Variants in FRMD4A observed in about 807,000 individuals in gnomAD.
FRMD4A encodes the protein FERM domain containing 4A, also known as FERM domain-containing protein 4A.
In FRMD4A, 29 loss-of-function variants were observed where a neutral mutation model predicts 129.1. The observed-to-expected ratio is 0.22, with a 90% confidence interval of 0.17 to 0.31. The LOEUF (loss-of-function observed/expected upper bound fraction) is 0.31, where lower values mean the gene tolerates loss of function less well. Ranked by LOEUF, FRMD4A falls within the 10% of genes least tolerant of loss-of-function variation. FRMD4A has a pLI of 1.00. For synonymous variants in FRMD4A, 634 were observed against 571.6 expected, an observed-to-expected ratio of 1.11 and a Z score of -1.56; for missense variants, 1,272 against 1,375.8, an observed-to-expected ratio of 0.92 and a Z score of 1.19.
chr10:14,089,756 T>C (rs1038147149), intron 2 of FRMD4A, among the ~76,000 whole-genome samples: 1 of 151,614 alleles, frequency 6.6e-6, no homozygotes, highest in African/African-American at 2.4e-5. Flanking sequence ...TCACCAACAG[T>C]GTGGAGTTAT....
chr10:13,945,881 G>T (rs1156259929), intron 2 of FRMD4A, among the ~76,000 whole-genome samples: 1 of 152,152 alleles, frequency 6.6e-6, no homozygotes, highest in Non-Finnish European at 1.5e-5. Context: ...AGGCTTCAAG[G>T]AAGAAGCCAG....
At chr10:13,674,666 C>A (rs80007646) in intron 16 of FRMD4A, among the ~76,000 whole-genome samples, 89 of 152,314 alleles carry the variant, frequency 5.8e-4, no homozygotes, top group Non-Finnish European at 1.1e-3. Flanking sequence ...TTAAGATTTG[C>A]ACTAATGCGG....
At chr10:13,924,458 C>T (rs555952114) in intron 2 of FRMD4A, among the ~76,000 whole-genome samples, 1 of 151,752 alleles carries the variant, frequency 6.6e-6, no homozygotes, top group South Asian at 2.1e-4. Flanking sequence ...CACCTCTAGG[C>T]CACCACACTT....
intron 2 of FRMD4A, among the ~76,000 whole-genome samples, chr10:13,963,200 C>A (rs1481697678): frequency 1.3e-5 from 2 of 149,636 alleles, no homozygotes; most frequent in Admixed American, 6.7e-5. Context: ...AAAACTAAAA[C>A]AAACAAATGT....
chr10:13,925,781 C>T (rs1250506030), intron 2 of FRMD4A, among the ~76,000 whole-genome samples: 1 of 151,292 alleles, frequency 6.6e-6, no homozygotes, highest in African/African-American at 2.4e-5. Context: ...GACAGGGTTT[C>T]ACCGTGTTAG....
chr10:14,026,569 G>A (rs1374382163), intron 2 of FRMD4A, among the ~76,000 whole-genome samples: 1 of 152,210 alleles, frequency 6.6e-6, no homozygotes, highest in African/African-American at 2.4e-5. Context: ...GTGCTGAGAT[G>A]AATGTCTTCA....
At chr10:13,862,519 A>T (rs2094308539) in intron 2 of FRMD4A, among the ~76,000 whole-genome samples, 1 of 152,248 alleles carries the variant, frequency 6.6e-6, no homozygotes. Context: ...TGATGTTAGT[A>T]TCCACCCTAG....
chr10:14,210,856 T>C (rs1236531645), intron 2 of FRMD4A, among the ~76,000 whole-genome samples: 1 of 152,190 alleles, frequency 6.6e-6, no homozygotes, highest in Non-Finnish European at 1.5e-5. Flanking sequence ...GCCTACCAAG[T>C]AGCTGGGACT....
intron 2 of FRMD4A, among the ~76,000 whole-genome samples, chr10:14,072,117 A>G (rs1835346475): frequency 6.6e-6 from 1 of 152,228 alleles, no homozygotes; most frequent in Admixed American, 6.5e-5. Flanking sequence ...TCAATTGACC[A>G]TTCATTCTTT....
intron 2 of FRMD4A, among the ~76,000 whole-genome samples, chr10:14,142,578 T>G (rs1839889940): frequency 6.6e-6 from 1 of 152,220 alleles, no homozygotes; most frequent in Non-Finnish European, 1.5e-5. Context: ...AAGCTAACGT[T>G]TGAATCACTA....
In FRMD4A at chr10:13,989,128, G is replaced by A. The variant is rs542722010; in HGVS notation, c.46-130216C>T. Among the ~76,000 whole-genome samples the A allele has an allele frequency of 2.6e-5, 4 of 152,240 alleles. No homozygotes were observed. The South Asian group carries it at 8.3e-4, about 32-fold the overall frequency. The stretch of plus-strand genomic sequence containing the variant: ...GAAGCAGAGCTCTGGTTGACCAGGG[G>A]TGAGGGGGGTCTCAGTCTTCCAGCC... On this transcript the variant is annotated intron_variant, in intron 2 of 24. Transcript: ENST00000357447.
At chr10:13,863,307 C>T (rs1026413040) in intron 2 of FRMD4A, among the ~76,000 whole-genome samples, 2 of 152,048 alleles carry the variant, frequency 1.3e-5, no homozygotes, top group Non-Finnish European at 2.9e-5. Context: ...CCTGGCCTGG[C>T]GTGGTGGCTC....
At chr10:14,276,026 A>G (rs926705182) in intron 2 of FRMD4A, among the ~76,000 whole-genome samples, 1 of 152,230 alleles carries the variant, frequency 6.6e-6, no homozygotes, top group Non-Finnish European at 1.5e-5. Context: ...CAACAAGGAA[A>G]GACCTTGTCT....
chr10:13,935,078 G>A (rs1165965988), intron 2 of FRMD4A, among the ~76,000 whole-genome samples: 1 of 151,956 alleles, frequency 6.6e-6, no homozygotes, highest in Non-Finnish European at 1.5e-5. Flanking sequence ...ATTTTGGGGG[G>A]ACACAAACAT....
chr10:14,250,021 G>A (rs536644235), intron 2 of FRMD4A, among the ~76,000 whole-genome samples: 1 of 152,196 alleles, frequency 6.6e-6, no homozygotes, highest in African/African-American at 2.4e-5. Flanking sequence ...CCAGGCTGGT[G>A]TGATCTCGGC....
At chr10:13,803,010 G>T (rs1451485262) in intron 4 of FRMD4A, among the ~76,000 whole-genome samples, 2 of 152,222 alleles carry the variant, frequency 1.3e-5, no homozygotes, top group Admixed American at 6.5e-5. Context: ...TTAGCTGGGT[G>T]TGGTGGCGGA....
chr10:13,797,678 T>A (rs1237518516), intron 4 of FRMD4A, among the ~76,000 whole-genome samples: 1 of 152,194 alleles, frequency 6.6e-6, no homozygotes, highest in Non-Finnish European at 1.5e-5. Context: ...AATCACTTTA[T>A]GGAGTAAAGT....
intron 2 of FRMD4A, among the ~76,000 whole-genome samples, chr10:14,288,743 A>C (rs1306522843): frequency 6.6e-6 from 1 of 152,122 alleles, no homozygotes; most frequent in African/African-American, 2.4e-5. Context: ...TTCTTGCATA[A>C]CTATAACTTT....
At chr10:14,104,420 G>A (rs886450828) in intron 2 of FRMD4A, among the ~76,000 whole-genome samples, 3 of 152,216 alleles carry the variant, frequency 2.0e-5, no homozygotes, top group Non-Finnish European at 4.4e-5. Flanking sequence ...CAGTCTCTGC[G>A]CATATAATTG....
Sources: gnomAD v4.1 joint callset for allele counts (sites outside exome capture counted in the v4.1 genomes callset) on GRCh38, gnomAD v4.1.1 for gene constraint, MANE v1.5 for transcripts, NCBI Gene and HGNC (gene_info 2026-07-23, HGNC 2026-07-21) for gene names.